DCLK1: variants seen among roughly 807,000 people sequenced by gnomAD.
DCLK1 encodes serine/threonine-protein kinase DCLK1.
DCLK1 carries 16 observed loss-of-function variants against 86.2 expected under a neutral mutation model. The ratio of observed to expected loss-of-function variants is 0.19; its 90% CI spans 0.13 to 0.28. The LOEUF (loss-of-function observed/expected upper bound fraction) is 0.28. Among genes scored for constraint, DCLK1 ranks in the 10% least tolerant of loss-of-function variants. The pLI is 1.00. For synonymous variants in DCLK1, 369 were observed against 370.5 expected (o/e 1.00, Z 0.05); for missense variants, 590 against 940.2 (o/e 0.63, Z 4.87).
At chr13:35,884,744 G>A (rs545471146) in intron 4 of DCLK1, among the ~76,000 whole-genome samples, 192 of 152,236 alleles carry the variant, frequency 1.3e-3, no homozygotes, top group African/African-American at 4.3e-3. Flanking sequence ...GTCTGGAGGC[G>A]GCTCCCTGAG....
intron 3 of DCLK1, among the ~76,000 whole-genome samples, chr13:36,027,585 T>C (rs1882094516): frequency 1.3e-5 from 2 of 152,166 alleles, no homozygotes; most frequent in Non-Finnish European, 2.9e-5. Context: ...CAACAACTGA[T>C]CCTCCAAGAT....
chr13:36,028,189 A>T (rs1210877689), intron 3 of DCLK1, among the ~76,000 whole-genome samples: 1 of 152,232 alleles, frequency 6.6e-6, no homozygotes, highest in Non-Finnish European at 1.5e-5. Flanking sequence ...ACTATAAAAA[A>T]TAGCAGCTCA....
chr13:35,918,874 A>C (rs1875595454), intron 4 of DCLK1, among the ~76,000 whole-genome samples: 1 of 132,344 alleles, frequency 7.6e-6, no homozygotes, highest in Admixed American at 8.3e-5. Context: ...GCCAAAAAGA[A>C]ATCTTCCTTC....
intron 6 of DCLK1, among the ~76,000 whole-genome samples, chr13:35,842,523 A>C (rs1033199220): frequency 6.6e-6 from 1 of 151,206 alleles, no homozygotes; most frequent in Non-Finnish European, 1.5e-5. Flanking sequence ...CAAAAAAAAA[A>C]CCTGGTGCTT....
At chr13:35,787,280 A>C (rs1312554226) in intron 16 of DCLK1, among the ~76,000 whole-genome samples, 1 of 127,794 alleles carries the variant, frequency 7.8e-6, no homozygotes, top group Non-Finnish European at 1.5e-5. Context: ...AAACCAGTGG[A>C]ATTTTTTTTT....
intron 16 of DCLK1, among the ~76,000 whole-genome samples, chr13:35,793,057 C>G (rs1430920712): frequency 6.6e-6 from 1 of 151,718 alleles, no homozygotes; most frequent in Non-Finnish European, 1.5e-5. Context: ...TTCTTAGAGC[C>G]AAGAAGTTTG....
intron 3 of DCLK1, among the ~76,000 whole-genome samples, chr13:35,986,495 C>T (rs1027521569): frequency 5.3e-5 from 8 of 151,910 alleles, no homozygotes; most frequent in African/African-American, 1.9e-4. Context: ...TACCTTGGCT[C>T]GTACACATGC....
chr13:35,915,667 G>A (rs1188238270), intron 4 of DCLK1, among the ~76,000 whole-genome samples: 4 of 151,616 alleles, frequency 2.6e-5, no homozygotes, highest in Non-Finnish European at 5.9e-5. Context: ...TCACACCACT[G>A]CACTCCAGCC....
At chr13:35,901,821 G>A (rs775385513) in intron 4 of DCLK1, among the ~76,000 whole-genome samples, 6 of 152,086 alleles carry the variant, frequency 3.9e-5, no homozygotes, top group East Asian at 1.9e-4. Context: ...TGCCAACCAC[G>A]ACTTCCACAG....
chr13:35,823,377 ACACACAATCCCCTT>A (rs1307920939), intron 10 of DCLK1, among the ~76,000 whole-genome samples: 1 of 151,922 alleles, frequency 6.6e-6, no homozygotes, highest in African/African-American at 2.4e-5. Context: ...ACACACACAC[ACACACAATCCCCTT>A]CATACACTAG....
At position 35,982,751 on chromosome 13, in the gene DCLK1, T is replaced by C. The variant is rs187910398; in HGVS notation, c.724-35294A>G. Among the ~76,000 whole-genome samples the C allele has an allele frequency of 2.7e-3, 414 of 151,884 alleles. 2 individuals are homozygous for C. Among genetic ancestry groups the C allele is most frequent in the Middle Eastern group, 0.027 (8 of 294 alleles). ...GGAAGGTTCAAAGTCCATTGATTAG[T>C]GTGAATTGCTTTTTTTTTGTTTGTT... On this transcript the variant is annotated intron_variant, in intron 3 of 16. Transcript: ENST00000360631.
chr13:36,100,179 CAAAAAAAAAAAAAAAAAAAAAAA>C (rs58824322), intron 3 of DCLK1, among the ~76,000 whole-genome samples: 1 of 37,686 alleles, frequency 2.7e-5, no homozygotes, highest in African/African-American at 1.1e-4. Flanking sequence ...CCTGTCTCTA[CAAAAAAAAAAAAAAAAAAAAAAA>C]AAAAAAAAAA....
At chr13:35,803,959 T>A (rs1288651163) in intron 15 of DCLK1, among the ~76,000 whole-genome samples, 1 of 152,182 alleles carries the variant, frequency 6.6e-6, no homozygotes, top group Admixed American at 6.5e-5. Context: ...GTGATGGAGC[T>A]TCCCCATCTG....
Position 35,824,964 on chromosome 13 carries a change from C to T in DCLK1, c.1408-2089G>A, listed in dbSNP as rs560529892. Among the ~76,000 whole-genome samples the T allele has an allele frequency of 2.0e-5, 3 of 152,270 alleles. No individual in the cohort carries two copies. In the South Asian group the frequency reaches 6.2e-4, roughly 32 times the overall value. ...CCCTCCCCTTCAGTTTTCTAACTCCCGTTGCTCTCTCAGGGCCCAGCTGCA... is the reference window on the plus strand; with the variant it reads ...CCCTCCCCTTCAGTTTTCTAACTCCTGTTGCTCTCTCAGGGCCCAGCTGCA... On this transcript the variant is annotated intron_variant, in intron 10 of 16. Coordinates refer to ENST00000360631, the MANE Select transcript of DCLK1 (RefSeq NM_001330071.2).
At chr13:35,845,277 T>G (rs886475915) in intron 6 of DCLK1, among the ~76,000 whole-genome samples, 2 of 152,214 alleles carry the variant, frequency 1.3e-5, no homozygotes, top group Non-Finnish European at 2.9e-5. Flanking sequence ...TTTTCTAGCT[T>G]GGTCAGCAGA....
intron 3 of DCLK1, among the ~76,000 whole-genome samples, chr13:35,960,885 G>A (rs1878418570): frequency 6.6e-6 from 1 of 152,134 alleles, no homozygotes; most frequent in African/African-American, 2.4e-5. Flanking sequence ...TATTACTGAT[G>A]GCCTTCTCTT....
chr13:35,973,341 A>T (rs1166266504), intron 3 of DCLK1, among the ~76,000 whole-genome samples: 1 of 151,740 alleles, frequency 6.6e-6, no homozygotes. Flanking sequence ...TCCTGGGAAG[A>T]CCTCCCCTTG....
intron 3 of DCLK1, among the ~76,000 whole-genome samples, chr13:36,003,943 G>A (rs1364176892): frequency 6.6e-6 from 1 of 152,136 alleles, no homozygotes; most frequent in Non-Finnish European, 1.5e-5. Flanking sequence ...AGAGCAATGA[G>A]TAAATAAAAT....
intron 4 of DCLK1, among the ~76,000 whole-genome samples, chr13:35,928,122 C>T (rs1052591456): frequency 5.3e-5 from 8 of 152,296 alleles, no homozygotes; most frequent in Non-Finnish European, 8.8e-5. Flanking sequence ...CTATTGAATT[C>T]GAGGGAGCTG....
Sources: allele counts gnomAD v4.1 joint callset (sites outside exome capture counted in the v4.1 genomes callset), GRCh38; gene constraint gnomAD v4.1.1; transcripts MANE v1.5; gene names NCBI Gene and HGNC (gene_info 2026-07-23, HGNC 2026-07-21).